LNX1: variants seen among roughly 807,000 people sequenced by gnomAD.
LNX1 encodes the protein E3 ubiquitin-protein ligase LNX.
A neutral mutation model predicts 68.4 loss-of-function variants in LNX1; 54 were observed. That is an observed-to-expected ratio of 0.79 (90% CI 0.63 to 0.99). The LOEUF (loss-of-function observed/expected upper bound fraction) is 0.99. LNX1 is among the 50% of genes least tolerant of loss of function. LNX1 has a pLI of 0.00. For missense variants in LNX1, 906 were observed against 926.4 expected (o/e 0.98, Z 0.29); for synonymous variants, 336 against 350.0 (o/e 0.96, Z 0.45).
intron 1 of LNX1, among the ~76,000 whole-genome samples, chr4:53,587,489 T>C (rs1052713480): frequency 5.9e-5 from 9 of 152,170 alleles, no homozygotes; most frequent in African/African-American, 2.2e-4. Flanking sequence ...AGAGTCTATG[T>C]AATGTCAGTA....
At chr4:53,535,642 A>C (rs542724918) in intron 2 of LNX1, among the ~76,000 whole-genome samples, 1 of 152,332 alleles carries the variant, frequency 6.6e-6, no homozygotes, top group Non-Finnish European at 1.5e-5. Context: ...ATTGATACAG[A>C]TGTGAATAAG....
rs376017636 is a variant in LNX1, at chr4:53,508,045, G to A, written c.563C>T (p.Ala188Val). 2.5e-6 allele frequency: 4 copies of A among 1,614,002 alleles called. No individual in the cohort carries two copies. Among genetic ancestry groups the A allele is most frequent in the African/African-American group, 2.7e-5 (2 of 74,926 alleles). The change falls in exon 3 of 11, where the codon GCA becomes GTA. Residue 188 changes from alanine (A) to valine (V), a missense_variant. Ala to Val is a moderately conservative substitution (Grantham distance 64). Transcript: ENST00000263925. ...GLDNPAYVSS[A>V]EDGQPAISPV... ...GCTGATTGCTGGCTGCCCGTCCTCT[G>A]CCGAGGACACGTAGGCAGGGTTGTC...
chr4:53,486,559 C>T (rs377557023), intron 6 of LNX1, among the ~76,000 whole-genome samples: 18 of 152,236 alleles, frequency 1.2e-4, no homozygotes, highest in South Asian at 8.3e-4. Context: ...CCTGCCCTCC[C>T]GGAATGTTTC....
chr4:53,517,793 AGCATTTTT>A (rs1726895809), intron 2 of LNX1, among the ~76,000 whole-genome samples: 1 of 152,230 alleles, frequency 6.6e-6, no homozygotes, highest in African/African-American at 2.4e-5. Flanking sequence ...AAAAGTTATG[AGCATTTTT>A]GCGTAGTCAG....
intron 2 of LNX1, among the ~76,000 whole-genome samples, chr4:53,560,615 T>C (rs1288697802): frequency 6.6e-6 from 1 of 152,176 alleles, no homozygotes; most frequent in Non-Finnish European, 1.5e-5. Flanking sequence ...CATTGGCACA[T>C]TGTATTTTTC....
intron 1 of LNX1, among the ~76,000 whole-genome samples, chr4:53,589,987 T>A (rs1209268481): frequency 1.3e-5 from 2 of 152,166 alleles, no homozygotes; most frequent in Non-Finnish European, 2.9e-5. Context: ...GGCAATGTAA[T>A]CTTGAGGAGA....
intron 2 of LNX1, among the ~76,000 whole-genome samples, chr4:53,561,276 G>A (rs1730267677): frequency 6.6e-6 from 1 of 152,066 alleles, no homozygotes; most frequent in South Asian, 2.1e-4. Flanking sequence ...TCACCAGACT[G>A]GAGTGCAATG....
At chr4:53,497,242 C>T (rs1934820306) in intron 5 of LNX1, among the ~76,000 whole-genome samples, 1 of 152,194 alleles carries the variant, frequency 6.6e-6, no homozygotes, top group African/African-American at 2.4e-5. Context: ...ACAGGCCCAG[C>T]CAGAGCCCCC....
chr4:53,606,827 A>G (rs987938731), intron 2 of LNX1, among the ~76,000 whole-genome samples: 3 of 152,248 alleles, frequency 2.0e-5, no homozygotes, highest in Admixed American at 6.5e-5. Flanking sequence ...AATGTAATTC[A>G]TCACATAAAC....
At chr4:53,504,736 G>T (rs1005648333) in intron 4 of LNX1, among the ~76,000 whole-genome samples, 1 of 152,176 alleles carries the variant, frequency 6.6e-6, no homozygotes, top group Non-Finnish European at 1.5e-5. Flanking sequence ...AAAGGCTATT[G>T]TAGGGTTACT....
chr4:53,560,958 A>C (rs1730243734), intron 2 of LNX1, among the ~76,000 whole-genome samples: 1 of 152,224 alleles, frequency 6.6e-6, no homozygotes, highest in African/African-American at 2.4e-5. Flanking sequence ...AAACAGCCCT[A>C]ACTCTAATCT....
chr4:53,557,839 A>G, intron 2 of LNX1: 9 of 1,612,594 alleles, frequency 5.6e-6, no homozygotes, highest in Non-Finnish European at 7.6e-6. Flanking sequence ...TACTAGGCAC[A>G]TAAACACACA....
At chr4:53,593,650 G>T (rs1342330543), upstream of LNX1, among the ~76,000 whole-genome samples, 2 of 151,668 alleles carry the variant, frequency 1.3e-5, no homozygotes, top group East Asian at 1.9e-4. Context: ...AATATGCAGG[G>T]GTTAAAAAAA....
intron 2 of LNX1, among the ~76,000 whole-genome samples, chr4:53,528,827 C>T (rs969818580): frequency 1.8e-4 from 27 of 152,118 alleles, no homozygotes; most frequent in Non-Finnish European, 8.8e-5. Flanking sequence ...GTGATCAAAC[C>T]TAGCCAATCA....
At chr4:53,588,703 G>C (rs1461566736) in intron 1 of LNX1, among the ~76,000 whole-genome samples, 3 of 152,134 alleles carry the variant, frequency 2.0e-5, no homozygotes, top group Admixed American at 6.6e-5. Flanking sequence ...ATGTAGCTAA[G>C]GAAACTGACA....
At chr4:53,567,769 A>G (rs1730805622) in intron 2 of LNX1, among the ~76,000 whole-genome samples, 1 of 152,228 alleles carries the variant, frequency 6.6e-6, no homozygotes, top group Admixed American at 6.5e-5. Flanking sequence ...AAAGAAAAAA[A>G]GAGAGAAGAA....
intron 1 of LNX1, among the ~76,000 whole-genome samples, chr4:53,583,345 A>G (rs1182353224): frequency 1.3e-5 from 2 of 152,162 alleles, no homozygotes; most frequent in African/African-American, 4.8e-5. Flanking sequence ...GTTTGGGGTG[A>G]TGTGTCTGTG....
chr4:53,611,405 T>C (rs1156466595), intron 2 of LNX1, among the ~76,000 whole-genome samples: 2 of 152,152 alleles, frequency 1.3e-5, no homozygotes, highest in Non-Finnish European at 2.9e-5. Flanking sequence ...ACAAATTGAT[T>C]ATGTGTGTGG....
intron 1 of LNX1, among the ~76,000 whole-genome samples, chr4:53,642,165 T>C (rs1358328421): frequency 7.0e-6 from 1 of 141,856 alleles, no homozygotes; most frequent in Non-Finnish European, 1.5e-5. Flanking sequence ...GAGGCTGCAG[T>C]GAGCCATGAT....
Sources: allele counts gnomAD v4.1 joint callset (sites outside exome capture counted in the v4.1 genomes callset), GRCh38; gene constraint gnomAD v4.1.1; transcripts MANE v1.5; gene names NCBI Gene and HGNC (gene_info 2026-07-23, HGNC 2026-07-21).